Variants in BICD2 observed in about 807,000 individuals in gnomAD.
BICD2 encodes the protein protein bicaudal D homolog 2.
In BICD2, 25 loss-of-function variants were observed where a neutral mutation model predicts 72.9. The observed-to-expected ratio is 0.34, with a 90% CI of 0.25 to 0.48. The LOEUF (loss-of-function observed/expected upper bound fraction) is 0.48. Ranked by LOEUF, BICD2 falls within the 20% of genes least tolerant of loss-of-function variation. The pLI is 0.99. For synonymous variants in BICD2, 501 were observed against 516.1 expected (o/e 0.97, Z 0.40); for missense variants, 894 against 1,175.2 (o/e 0.76, Z 3.50).
chr9:92,750,720 C>T (rs1271561028), intron 1 of BICD2, among the ~76,000 whole-genome samples: 1 of 151,698 alleles, frequency 6.6e-6, no homozygotes, highest in Non-Finnish European at 1.5e-5. Context: ...AGATAAATGC[C>T]ACTGCATTTA....
chr9:92,746,696 A>G (rs967198658), intron 1 of BICD2, among the ~76,000 whole-genome samples: 3 of 152,178 alleles, frequency 2.0e-5, no homozygotes, highest in African/African-American at 7.2e-5. Flanking sequence ...CACTCCTCAT[A>G]CAAGTAACCG....
intron 1 of BICD2, among the ~76,000 whole-genome samples, chr9:92,729,898 G>C (rs1024572819): frequency 2.6e-5 from 4 of 152,240 alleles, no homozygotes; most frequent in South Asian, 2.1e-4. Flanking sequence ...TGGGGCTCAG[G>C]GAGGAGACCT....
intron 6 of BICD2, 22 bp downstream of exon 6, chr9:92,717,775 G>C (rs969083172): frequency 1.3e-6 from 2 of 1,589,798 alleles, no homozygotes; most frequent in African/African-American, 1.3e-5. Flanking sequence ...GGAAGGGGAG[G>C]GCCCGACAGC....
At chr9:92,757,589 G>C (rs181040852) in intron 1 of BICD2, among the ~76,000 whole-genome samples, 1,585 of 144,456 alleles carry the variant, frequency 0.011, 15 homozygotes, top group South Asian at 0.049. Context: ...CAGCTACTGC[G>C]GGGGGGCGGG....
intron 5 of BICD2, 148 bp from the exon 6 acceptor site, chr9:92,718,096 G>C (rs1167675715): frequency 1.0e-6 from 1 of 986,488 alleles, no homozygotes; most frequent in East Asian, 2.4e-5. Flanking sequence ...GACAAACCCT[G>C]GGGATGGACT....
At chr9:92,751,299 T>C (rs535652246) in intron 1 of BICD2, among the ~76,000 whole-genome samples, 1 of 152,084 alleles carries the variant, frequency 6.6e-6, no homozygotes, top group South Asian at 2.1e-4. Context: ...TGCAGACACC[T>C]GGGACCACGC....
At chr9:92,751,627 A>T (rs1854151480) in intron 1 of BICD2, among the ~76,000 whole-genome samples, 1 of 152,148 alleles carries the variant, frequency 6.6e-6, no homozygotes, top group Non-Finnish European at 1.5e-5. Flanking sequence ...GGATGGTGGG[A>T]GCCAGGTGTC....
intron 1 of BICD2, among the ~76,000 whole-genome samples, chr9:92,734,134 CACACA>C (rs1853729742): frequency 6.6e-6 from 1 of 152,178 alleles, no homozygotes; most frequent in Non-Finnish European, 1.5e-5. Flanking sequence ...AAAAAAGCCA[CACACA>C]AAAGAGTATA....
intron 1 of BICD2, among the ~76,000 whole-genome samples, chr9:92,751,890 C>T (rs1407790861): frequency 3.3e-5 from 5 of 151,346 alleles, no homozygotes; most frequent in East Asian, 1.9e-4. Context: ...CTGCAACCTC[C>T]GCCTCCTGGG....
intron 1 of BICD2, among the ~76,000 whole-genome samples, chr9:92,762,767 G>A (rs1467763857): frequency 6.6e-6 from 1 of 152,232 alleles, no homozygotes; most frequent in Non-Finnish European, 1.5e-5. Flanking sequence ...AACCCAAGCT[G>A]TGGACAGAGA....
intron 2 of BICD2, among the ~76,000 whole-genome samples, chr9:92,726,341 C>T (rs1282106448): frequency 2.6e-5 from 4 of 151,904 alleles, no homozygotes; most frequent in Non-Finnish European, 5.9e-5. Context: ...CCAGTTGACC[C>T]AAGGGAGGAA....
intron 1 of BICD2, among the ~76,000 whole-genome samples, chr9:92,758,567 AAG>A (rs1491016590): frequency 7.5e-6 from 1 of 132,876 alleles, no homozygotes; most frequent in Non-Finnish European, 1.6e-5. Flanking sequence ...AAAAAAAAAA[AAG>A]GCTGGGCGTG....
Position 92,715,112 on chromosome 9 carries a change from G to T in BICD2, c.*42C>A. On this transcript the variant is annotated 3_prime_UTR_variant, in exon 7 of 7. Transcript: ENST00000356884. ...TCCCGCTGCTGCTGGGTTAGTTGAG[G>T]TGAAGCAGATGTTAGCTGCAGCGTG... 6.5e-7 allele frequency: 1 copy of T among 1,534,010 alleles called. No homozygotes were observed. Among genetic ancestry groups the T allele is most frequent in the South Asian group, 1.3e-5 (1 of 79,296 alleles).
rs566646493 is a variant in BICD2 at position 92,714,403 on chromosome 9, A to G, written c.*751T>C. 8.2e-4 allele frequency: 806 copies of G among 985,400 alleles called. 1 individual carries two copies. The highest frequency in any genetic ancestry group is 9.4e-4 in the Non-Finnish European group (783 of 829,982). The allele number at this position is 985,400 out of a possible 1,614,324, so 61.0% of individuals were successfully genotyped here. The stretch of plus-strand genomic sequence containing the variant: ...TGGAAAGCTTTTCTCATGAAAAATG[A>G]AAACCTGGGGCCTTGGGCCCTGCCA... On this transcript the variant is annotated 3_prime_UTR_variant, in exon 7 of 7. Transcript: ENST00000356884.
At chr9:92,740,370 TAGCATACAC>T (rs1853875807) in intron 1 of BICD2, among the ~76,000 whole-genome samples, 1 of 152,224 alleles carries the variant, frequency 6.6e-6, no homozygotes, top group South Asian at 2.1e-4. Context: ...GTAAAAATGT[TAGCATACAC>T]TCAAACATGT....
In BICD2 at chr9:92,711,786, G is replaced by T. The variant is rs1853199531; in HGVS notation, c.*3368C>A. 6.6e-6 allele frequency: 1 copy of T among 152,504 alleles called. No homozygotes were observed. Among genetic ancestry groups the T allele is most frequent in the Non-Finnish European group, 1.5e-5 (1 of 68,012 alleles). 9.4% of individuals were successfully genotyped at this position (152,504 alleles called of 1,614,324 possible). ...TAAAAATAGGAGTCCCTACAACTAG[G>T]AATAAGAAATGCTTATTCCAGGAAA... On this transcript the variant is annotated 3_prime_UTR_variant, in exon 7 of 7. Coordinates refer to ENST00000356884, the MANE Select transcript of BICD2 (RefSeq NM_001003800.2).
chr9:92,753,782 G>A (rs968938886), intron 1 of BICD2, among the ~76,000 whole-genome samples: 7 of 151,584 alleles, frequency 4.6e-5, no homozygotes, highest in Non-Finnish European at 5.9e-5. Context: ...CTCATGATCC[G>A]CCTGCCTCGT....
At chr9:92,745,752 G>A (rs560655642) in intron 1 of BICD2, among the ~76,000 whole-genome samples, 2 of 152,282 alleles carry the variant, frequency 1.3e-5, no homozygotes, top group South Asian at 2.1e-4. Flanking sequence ...ACTGAACTCC[G>A]AGAACACACA....
chr9:92,752,751 T>A (rs10761169), intron 1 of BICD2, among the ~76,000 whole-genome samples: 1 of 152,036 alleles, frequency 6.6e-6, no homozygotes, highest in East Asian at 1.9e-4. Flanking sequence ...AGTGAGACCC[T>A]GTCCCAAATA....
Sources: allele counts gnomAD v4.1 joint callset (sites outside exome capture counted in the v4.1 genomes callset), GRCh38; gene constraint gnomAD v4.1.1; transcripts MANE v1.5; gene names NCBI Gene and HGNC (gene_info 2026-07-23, HGNC 2026-07-21).